KCND2: variants seen among roughly 807,000 people sequenced by gnomAD.
The protein encoded by KCND2 is A-type voltage-gated potassium channel KCND2.
Under a neutral mutation model 54.4 loss-of-function variants are expected in KCND2, and 16 were observed. The observed-to-expected ratio is 0.29, with a 90% CI of 0.20 to 0.45. The LOEUF (loss-of-function observed/expected upper bound fraction) is 0.45. Among genes scored for constraint, KCND2 ranks in the 20% least tolerant of loss-of-function variants. KCND2 has a pLI of 1.00. For missense variants in KCND2, 486 were observed against 824.2 expected (o/e 0.59, Z 5.02); for synonymous variants, 317 against 310.7 (o/e 1.02, Z -0.21).
chr7:120,633,965 G>C (rs1416627767), intron 1 of KCND2, among the ~76,000 whole-genome samples: 1 of 152,270 alleles, frequency 6.6e-6, no homozygotes, highest in South Asian at 2.1e-4. Flanking sequence ...AGCTCTTTGA[G>C]TATAATGGAA....
intron 1 of KCND2, among the ~76,000 whole-genome samples, chr7:120,548,618 G>A (rs1028345644): frequency 2.0e-5 from 3 of 152,054 alleles, no homozygotes; most frequent in Non-Finnish European, 4.4e-5. Flanking sequence ...ACAGTACCCA[G>A]CAGTACAATG....
At chr7:120,719,463 T>C (rs1162535707) in intron 1 of KCND2, among the ~76,000 whole-genome samples, 1 of 152,194 alleles carries the variant, frequency 6.6e-6, no homozygotes, top group Non-Finnish European at 1.5e-5. Context: ...AAGAGTAGTC[T>C]AGCTATTCAC....
chr7:120,386,009 CT>C (rs942969447), intron 1 of KCND2, among the ~76,000 whole-genome samples: 2 of 152,088 alleles, frequency 1.3e-5, no homozygotes, highest in Admixed American at 6.6e-5. Context: ...TGGCTTGACA[CT>C]TTTTTGTATT....
At chr7:120,675,201 A>G (rs1031386309) in intron 1 of KCND2, among the ~76,000 whole-genome samples, 10 of 151,846 alleles carry the variant, frequency 6.6e-5, no homozygotes, top group Non-Finnish European at 1.2e-4. Flanking sequence ...TTTTAACTTT[A>G]TCATTCTTTA....
chr7:120,347,243 C>T (rs1800332932), intron 1 of KCND2, among the ~76,000 whole-genome samples: 1 of 152,076 alleles, frequency 6.6e-6, no homozygotes, highest in Non-Finnish European at 1.5e-5. Flanking sequence ...AAATAGTTGT[C>T]ATACCTATAA....
In KCND2 at chr7:120,275,398, C is replaced by T. The variant is rs1584706698; in HGVS notation, c.766C>T (p.Arg256Cys). Reference sequence around the variant, plus strand: ...CCTGGCTGCAGCGCCTAGTCGTTACCGTTTTGTGCGTAGTGTCATGAGTAT... The same window carrying T: ...CCTGGCTGCAGCGCCTAGTCGTTACTGTTTTGTGCGTAGTGTCATGAGTAT... Reference protein sequence around the residue: ...LRLAAAPSRYRFVRSVMSIID... With the variant: ...LRLAAAPSRYCFVRSVMSIID... The change falls in exon 1 of 6, where the codon CGT becomes TGT. Residue 256 changes from arginine to cysteine, a missense_variant. By Grantham distance (180) the Arg-to-Cys change is radical. Coordinates refer to ENST00000331113, the MANE Select transcript of KCND2 (RefSeq NM_012281.3). The T allele has an allele frequency of 6.2e-7, 1 of 1,613,720 alleles. No individual in the cohort carries two copies. Among genetic ancestry groups the T allele is most frequent in the Non-Finnish European group, 8.5e-7 (1 of 1,179,958 alleles).
intron 1 of KCND2, among the ~76,000 whole-genome samples, chr7:120,645,264 G>A (rs532540616): frequency 1.3e-5 from 2 of 152,034 alleles, no homozygotes; most frequent in South Asian, 4.2e-4. Flanking sequence ...GGCTGACCAC[G>A]TGTCTTGTGG....
intron 1 of KCND2, among the ~76,000 whole-genome samples, chr7:120,335,072 A>G (rs548514371): frequency 6.6e-6 from 1 of 152,266 alleles, no homozygotes; most frequent in East Asian, 1.9e-4. Flanking sequence ...TTGAGTTTAA[A>G]AAGTAATCCT....
intron 1 of KCND2, among the ~76,000 whole-genome samples, chr7:120,594,153 T>C (rs909339737): frequency 6.6e-6 from 1 of 152,190 alleles, no homozygotes; most frequent in African/African-American, 2.4e-5. Context: ...CAAAATAGAC[T>C]TAGAGATCTC....
At chr7:120,408,302 G>A (rs77325947) in intron 1 of KCND2, among the ~76,000 whole-genome samples, 3 of 151,826 alleles carry the variant, frequency 2.0e-5, no homozygotes, top group Non-Finnish European at 4.4e-5. Context: ...AGATTAAATT[G>A]TTGTCCTTTC....
intron 1 of KCND2, among the ~76,000 whole-genome samples, chr7:120,692,307 A>T (rs1037410856): frequency 6.6e-6 from 1 of 152,200 alleles, no homozygotes; most frequent in African/African-American, 2.4e-5. Context: ...ATCTGTACCA[A>T]GGGCAACTTC....
intron 1 of KCND2, among the ~76,000 whole-genome samples, chr7:120,623,110 T>G (rs1336726294): frequency 2.6e-5 from 4 of 152,174 alleles, no homozygotes; most frequent in Non-Finnish European, 4.4e-5. Flanking sequence ...AGATACTGGT[T>G]GGCTAGTGTT....
intron 1 of KCND2, among the ~76,000 whole-genome samples, chr7:120,398,918 A>AATGAAG (rs1801200141): frequency 1.3e-5 from 2 of 151,996 alleles, no homozygotes; most frequent in East Asian, 3.9e-4. Context: ...ACGTGGTGAA[A>AATGAAG]ATGAAGAGAA....
chr7:120,741,083 A>G (rs1239859556), intron 2 of KCND2, among the ~76,000 whole-genome samples: 2 of 151,906 alleles, frequency 1.3e-5, no homozygotes, highest in East Asian at 3.9e-4. Context: ...AAGGAAGGCA[A>G]TCAGTTCTTG....
At chr7:120,372,957 G>T (rs148536087) in intron 1 of KCND2, among the ~76,000 whole-genome samples, 6 of 151,880 alleles carry the variant, frequency 4.0e-5, no homozygotes, top group Admixed American at 3.9e-4. Context: ...CCTTTATAAA[G>T]TTTTACTTCG....
At chr7:120,676,470 G>A (rs185729780) in intron 1 of KCND2, among the ~76,000 whole-genome samples, 1 of 152,050 alleles carries the variant, frequency 6.6e-6, no homozygotes, top group Non-Finnish European at 1.5e-5. Context: ...AAACTGTATG[G>A]ACTGTTAGTA....
chr7:120,354,268 C>T (rs1800463644), intron 1 of KCND2, among the ~76,000 whole-genome samples: 1 of 152,132 alleles, frequency 6.6e-6, no homozygotes, highest in South Asian at 2.1e-4. Flanking sequence ...TTCCAATATT[C>T]AAGGACTTTT....
intron 1 of KCND2, among the ~76,000 whole-genome samples, chr7:120,557,447 G>T (rs747490756): frequency 6.6e-6 from 1 of 152,050 alleles, no homozygotes; most frequent in Non-Finnish European, 1.5e-5. Context: ...TATACAAAAT[G>T]ATGGTATAAA....
intron 1 of KCND2, among the ~76,000 whole-genome samples, chr7:120,463,078 G>T (rs935348790): frequency 1.3e-5 from 2 of 152,024 alleles, no homozygotes; most frequent in African/African-American, 4.8e-5. Context: ...AAGTTCTATA[G>T]AGATTGGTGA....
Sources: allele counts gnomAD v4.1 joint callset (sites outside exome capture counted in the v4.1 genomes callset), GRCh38; gene constraint gnomAD v4.1.1; transcripts MANE v1.5; gene names NCBI Gene and HGNC (gene_info 2026-07-23, HGNC 2026-07-21).